EXPH5: variants seen among roughly 807,000 people sequenced by gnomAD.
The protein encoded by EXPH5 is exophilin-5.
A neutral mutation model predicts 41.1 loss-of-function variants in EXPH5; 42 were observed. That is an observed-to-expected ratio of 1.02 (90% CI 0.80 to 1.32). EXPH5 has a LOEUF of 1.32. EXPH5 is among the 40% of genes most tolerant of loss of function. The pLI is 0.00. For synonymous variants in EXPH5, 798 were observed against 833.5 expected, an observed-to-expected ratio of 0.96 and a Z score of 0.73; for missense variants, 2,298 against 2,314.5, an observed-to-expected ratio of 0.99 and a Z score of 0.15.
At chr11:108,573,188 GAAAGAA>G (rs2094068209) in intron 1 of EXPH5, among the ~76,000 whole-genome samples, 1 of 138,646 alleles carries the variant, frequency 7.2e-6, no homozygotes, top group African/African-American at 3.1e-5. Context: ...AAGAAAGAAA[GAAAGAA>G]AGAAAAAGAA....
intron 1 of EXPH5, among the ~76,000 whole-genome samples, chr11:108,584,513 G>A (rs1005245107): frequency 2.0e-5 from 3 of 151,714 alleles, no homozygotes; most frequent in East Asian, 3.9e-4. Flanking sequence ...ACTACTTGAC[G>A]TTAAGACCTA....
chr11:108,536,208 C>A (rs776376627), intron 3 of EXPH5, among the ~76,000 whole-genome samples: 1 of 151,460 alleles, frequency 6.6e-6, no homozygotes, highest in African/African-American at 2.4e-5. Context: ...CATAACGGGA[C>A]AGTTTGGGAA....
intron 3 of EXPH5, among the ~76,000 whole-genome samples, chr11:108,531,524 T>C (rs2093837750): frequency 6.6e-6 from 1 of 152,236 alleles, no homozygotes; most frequent in Non-Finnish European, 1.5e-5. Flanking sequence ...ACCCTTTAAG[T>C]CTCATCTGCT....
intron 1 of EXPH5, among the ~76,000 whole-genome samples, chr11:108,587,082 C>A (rs1320770667): frequency 7.3e-5 from 11 of 151,584 alleles, no homozygotes; most frequent in Non-Finnish European, 1.5e-4. Context: ...AATTTTAAGA[C>A]CCTGCTGTGC....
At chr11:108,600,704 C>G in the EXPH5 span, among the ~76,000 whole-genome samples, 1 of 152,164 alleles carries the variant, frequency 6.6e-6, no homozygotes, top group Non-Finnish European at 1.5e-5. Context: ...TTTGGTTCTT[C>G]ACTTGCTGTA....
chr11:108,566,534 A>G (rs1053984154), intron 1 of EXPH5, among the ~76,000 whole-genome samples: 1 of 152,166 alleles, frequency 6.6e-6, no homozygotes, highest in African/African-American at 2.4e-5. Context: ...TAGTTTTATT[A>G]CAGTCTTGTG....
At position 108,541,979 on chromosome 11, in the gene EXPH5, G is replaced by C. The variant is rs558022101; in HGVS notation, c.120-167C>G. 5.9e-4 allele frequency among the ~76,000 whole-genome samples: 90 copies of C among 152,190 alleles called. 1 individual carries two copies. The highest frequency in any genetic ancestry group is 2.1e-3 in the African/African-American group (89 of 41,512). On this transcript the variant is annotated intron_variant, in intron 1 of 5. Transcript: ENST00000265843. ...TGCAACCTTCACCTCCTGGGCTCAA[G>C]CGATCCTCCCACCTCAGCTTCCCAA...
At chr11:108,521,014 C>T (rs933315282) in intron 4 of EXPH5, among the ~76,000 whole-genome samples, 4 of 152,186 alleles carry the variant, frequency 2.6e-5, no homozygotes, top group Admixed American at 1.3e-4. Context: ...ACTCCATTTG[C>T]GTTTCCTCTG....
upstream of EXPH5, chr11:108,593,808 G>A: frequency 6.7e-7 from 1 of 1,490,488 alleles, no homozygotes; most frequent in Non-Finnish European, 9.0e-7. Context: ...CCGTTCCAAG[G>A]GGGCGGGCCC....
rs2093640914 is a variant in EXPH5 at position 108,505,713 on chromosome 11, A to G, written c.*3824T>C. 2.0e-5 allele frequency: 3 copies of G among 152,242 alleles called. No homozygotes were observed. The highest frequency in any genetic ancestry group is 7.2e-5 in the African/African-American group (3 of 41,466). The allele number at this position is 152,242 out of a possible 1,614,324, so 9.4% of individuals were successfully genotyped here. On this transcript the variant is annotated 3_prime_UTR_variant, in exon 6 of 6. Transcript: ENST00000265843. ...AAATGGGATATTCTGAAGCATTATT[A>G]TTATCAATAAACTCTAAGCAAGAAG...
rs2093693202 is a variant in EXPH5, at chr11:108,512,905, G to A, written c.2602C>T (p.Pro868Ser). 5 of 1,613,854 alleles carry A rather than the reference G, an allele frequency of 3.1e-6. No individual in the cohort carries two copies. In the African/African-American group the frequency reaches 4.0e-5, roughly 13 times the overall value. Residue 868 changes from proline (P) to serine (S), a missense_variant, in exon 6 of 6, where the codon CCT (proline) becomes TCT (serine). Pro to Ser is a moderately conservative substitution (Grantham distance 74, BLOSUM62 -1). Transcript: ENST00000265843. ...GAATCACACGAGGTCTTGTGGCCAG[G>A]AGTTAACTTGCATTTTGAGTATTGT... Reference protein sequence around the residue: ...NAQYSKCKLTPGHKTSCDSLD... With the variant: ...NAQYSKCKLTSGHKTSCDSLD...
chr11:108,525,167 A>G (rs554908390), intron 4 of EXPH5, among the ~76,000 whole-genome samples: 73 of 152,342 alleles, frequency 4.8e-4, no homozygotes, highest in African/African-American at 1.7e-3. Flanking sequence ...CCCCAGCCAC[A>G]TGGGACTGTG....
intron 1 of EXPH5, among the ~76,000 whole-genome samples, chr11:108,566,018 A>G (rs1289301053): frequency 6.6e-6 from 1 of 152,258 alleles, no homozygotes; most frequent in Non-Finnish European, 1.5e-5. Context: ...TTAAATGTGT[A>G]AGGATGATAT....
chr11:108,566,327 A>G (rs1019580723), intron 1 of EXPH5, among the ~76,000 whole-genome samples: 2 of 152,188 alleles, frequency 1.3e-5, no homozygotes, highest in Admixed American at 1.3e-4. Flanking sequence ...AGTGGATAAT[A>G]TGGAAAGTAG....
chr11:108,520,358 C>G (rs11212691), intron 4 of EXPH5, among the ~76,000 whole-genome samples: 46,647 of 151,760 alleles, frequency 0.31, 9,848 homozygotes, highest in African/African-American at 0.6. Context: ...GTGCCAAAAA[C>G]GGTGGGGACT....
intron 1 of EXPH5, among the ~76,000 whole-genome samples, chr11:108,585,168 C>T (rs923123254): frequency 6.6e-6 from 1 of 152,166 alleles, no homozygotes; most frequent in African/African-American, 2.4e-5. Flanking sequence ...CATCATTAGT[C>T]ACTAGGGAAA....
chr11:108,512,965 G>A lies in EXPH5; in HGVS notation c.2542C>T (p.His848Tyr), dbSNP rs772553053. The A allele has an allele frequency of 3.1e-6, 5 of 1,612,540 alleles. No individual in the cohort carries two copies. The highest frequency in any genetic ancestry group is 4.2e-6 in the Non-Finnish European group (5 of 1,179,444). The stretch of plus-strand genomic sequence containing the variant: ...GTATCAGTCAGTGCAGAGCTCCAGT[G>A]GTTATTTGTAATAATTCTTGAAATA... Reference protein sequence around the residue: ...EDISRIITNNHWSSALTDTQN... With the variant: ...EDISRIITNNYWSSALTDTQN... Residue 848 changes from histidine (H) to tyrosine (Y), a missense_variant, in exon 6 of 6, where the codon CAC becomes TAC. Coordinates refer to ENST00000265843, the MANE Select transcript of EXPH5 (RefSeq NM_015065.3).
chr11:108,594,033 A>G (rs1408742835), upstream of EXPH5, among the ~76,000 whole-genome samples: 2 of 152,212 alleles, frequency 1.3e-5, no homozygotes, highest in Non-Finnish European at 2.9e-5. Context: ...TTGATTAGTA[A>G]AGGAGTGAAA....
At chr11:108,577,414 A>AT (rs753213900) in intron 1 of EXPH5, among the ~76,000 whole-genome samples, 5 of 151,022 alleles carry the variant, frequency 3.3e-5, no homozygotes, top group East Asian at 1.9e-4. Context: ...ATTTTATTTT[A>AT]TTTATTTATT....
Sources: allele counts gnomAD v4.1 joint callset (sites outside exome capture counted in the v4.1 genomes callset), GRCh38; gene constraint gnomAD v4.1.1; transcripts MANE v1.5; gene names NCBI Gene and HGNC (gene_info 2026-07-23, HGNC 2026-07-21).